The following GPHN variants were observed in gnomAD, a reference collection of about 807,000 sequenced individuals.
The protein encoded by GPHN is gephyrin.
A neutral mutation model predicts 95.5 loss-of-function variants in GPHN; 17 were observed. The observed-to-expected ratio is 0.18, with a 90% CI of 0.12 to 0.27. The LOEUF (loss-of-function observed/expected upper bound fraction) is 0.27. Ranked by LOEUF, GPHN falls within the 10% of genes least tolerant of loss-of-function variation. GPHN has a pLI of 1.00. For missense variants in GPHN, 660 were observed against 978.1 expected, an observed-to-expected ratio of 0.67 and a Z score of 4.34; for synonymous variants, 320 against 322.5, an observed-to-expected ratio of 0.99 and a Z score of 0.08.
chr14:67,359,788 G>A, the GPHN span: 4 of 1,469,850 alleles, frequency 2.7e-6, no homozygotes, highest in Non-Finnish European at 3.8e-6. Context: ...CTTCCTCTAC[G>A]GGAGTCAGCT....
At chr14:67,034,964 C>A (rs548890392) in intron 10 of GPHN, among the ~76,000 whole-genome samples, 1 of 152,204 alleles carries the variant, frequency 6.6e-6, no homozygotes, top group Non-Finnish European at 1.5e-5. Flanking sequence ...GTAAAATACA[C>A]ATTCTTTCCT....
intron 12 of GPHN, among the ~76,000 whole-genome samples, chr14:67,092,993 G>C (rs3784078): frequency 0.33 from 49,416 of 151,854 alleles, 12,739 homozygotes; most frequent in African/African-American, 0.7. Flanking sequence ...GCAAAAATAT[G>C]TTAGAACTCC....
chr14:66,517,222 G>GC (rs1350848247), intron 1 of GPHN, among the ~76,000 whole-genome samples: 1 of 151,284 alleles, frequency 6.6e-6, no homozygotes, highest in African/African-American at 2.4e-5. Context: ...ACACGGTGGT[G>GC]CCCCCCTCTT....
At chr14:67,533,024 G>A in the GPHN span, among the ~76,000 whole-genome samples, 1 of 152,110 alleles carries the variant, frequency 6.6e-6, no homozygotes, top group Non-Finnish European at 1.5e-5. Context: ...CCAGGGACGA[G>A]CCCAGCGGTG....
chr14:67,709,632 G>A, the GPHN span, among the ~76,000 whole-genome samples: 25 of 152,306 alleles, frequency 1.6e-4, no homozygotes, highest in Admixed American at 1.5e-3. Flanking sequence ...CCTGGGCCTT[G>A]AGGAGTTTAA....
At chr14:67,412,479 T>C in the GPHN span, among the ~76,000 whole-genome samples, 2 of 152,132 alleles carry the variant, frequency 1.3e-5, no homozygotes, top group African/African-American at 4.8e-5. Context: ...GAGCCATTCC[T>C]GAGCTCATTG....
chr14:66,973,111 G>C (rs1440245705), intron 9 of GPHN, among the ~76,000 whole-genome samples: 1 of 152,048 alleles, frequency 6.6e-6, no homozygotes, highest in East Asian at 1.9e-4. Flanking sequence ...AAAATATTCT[G>C]GATGAAAATG....
chr14:67,537,796 GACT>G, the GPHN span, among the ~76,000 whole-genome samples: 3 of 152,198 alleles, frequency 2.0e-5, no homozygotes, highest in Admixed American at 6.5e-5. Context: ...GTCACCTAAT[GACT>G]TCCTGTGCCA....
intron 10 of GPHN, among the ~76,000 whole-genome samples, chr14:67,024,734 A>C (rs542971923): frequency 1.3e-5 from 2 of 152,296 alleles, no homozygotes; most frequent in East Asian, 3.9e-4. Context: ...AAGTATTGCC[A>C]ACCAGGGAAG....
At chr14:67,395,064 A>G in the GPHN span, among the ~76,000 whole-genome samples, 1 of 152,166 alleles carries the variant, frequency 6.6e-6, no homozygotes, top group Non-Finnish European at 1.5e-5. Flanking sequence ...GTATTCTGTT[A>G]TAAGTAACAG....
At chr14:67,392,401 G>T in the GPHN span, 1 of 1,613,666 alleles carries the variant, frequency 6.2e-7, no homozygotes, top group Non-Finnish European at 8.5e-7. Context: ...CTTCCTTGGG[G>T]CTTATCTTCT....
the GPHN span, chr14:67,729,513 G>GAA: frequency 1.2e-6 from 1 of 827,230 alleles, no homozygotes; most frequent in Non-Finnish European, 2.0e-6. Context: ...CCTGCAAACA[G>GAA]AATGCCGTTG....
At chr14:67,705,275 A>G in the GPHN span, among the ~76,000 whole-genome samples, 1 of 152,242 alleles carries the variant, frequency 6.6e-6, no homozygotes, top group Non-Finnish European at 1.5e-5. Flanking sequence ...ACAGATGACA[A>G]CATACAAGTT....
At chr14:66,527,453 T>C (rs926745448) in intron 1 of GPHN, among the ~76,000 whole-genome samples, 1 of 152,016 alleles carries the variant, frequency 6.6e-6, no homozygotes, top group Non-Finnish European at 1.5e-5. Flanking sequence ...GAGATTTTCA[T>C]GTCTGTATCT....
the GPHN span, chr14:67,653,302 G>A: frequency 1.1e-5 from 7 of 643,942 alleles, no homozygotes; most frequent in African/African-American, 1.3e-4. Flanking sequence ...TGGTCTGCTG[G>A]GTGGTACTGA....
intron 8 of GPHN, among the ~76,000 whole-genome samples, chr14:66,931,581 A>G (rs2066801163): frequency 1.3e-5 from 2 of 151,656 alleles, no homozygotes; most frequent in African/African-American, 2.4e-5. Context: ...TTCTGACTGT[A>G]TTTTCAAATA....
intron 2 of GPHN, among the ~76,000 whole-genome samples, chr14:66,775,546 TTC>T (rs1275182670): frequency 2.6e-5 from 4 of 152,214 alleles, no homozygotes; most frequent in East Asian, 1.9e-4. Context: ...ATTAAAATTA[TTC>T]TGTTTTTCAT....
chr14:67,144,286 T>TATATATATATATATATATACAC (rs1421893686), intron 18 of GPHN, among the ~76,000 whole-genome samples: 1 of 78,124 alleles, frequency 1.3e-5, no homozygotes, highest in African/African-American at 6.4e-5. Context: ...TATATATATA[T>TATATATATATATATATATACAC]ACACACACAC....
the GPHN span, chr14:67,579,762 C>T: frequency 1.3e-5 from 21 of 1,612,752 alleles, no homozygotes; most frequent in South Asian, 2.2e-5. Flanking sequence ...ATGAGTTCCT[C>T]CAGCGGCTGA....
Sources: allele counts gnomAD v4.1 joint callset (sites outside exome capture counted in the v4.1 genomes callset), GRCh38; gene constraint gnomAD v4.1.1; transcripts MANE v1.5; gene names NCBI Gene and HGNC (gene_info 2026-07-23, HGNC 2026-07-21).